The following IGLL1 variants were observed in gnomAD, a reference collection of about 807,000 sequenced individuals.
IGLL1 encodes the protein immunoglobulin lambda-like polypeptide 1.
Under a neutral mutation model 10.5 loss-of-function variants are expected in IGLL1, and 10 were observed. The observed-to-expected ratio is 0.95, with a 90% CI of 0.59 to 1.62. The LOEUF is 1.62. IGLL1 is among the 40% of genes most tolerant of loss of function. The pLI is 0.00. For synonymous variants in IGLL1, 141 were observed against 122.7 expected, an observed-to-expected ratio of 1.15 and a Z score of -0.99; for missense variants, 284 against 278.7, an observed-to-expected ratio of 1.02 and a Z score of -0.14.
At position 23,573,246 on chromosome 22, in the gene IGLL1, G is replaced by A. The variant is rs1399280350; in HGVS notation, c.*20C>T. The A allele has an allele frequency of 4.3e-6, 7 of 1,611,606 alleles. No homozygotes were observed. The highest frequency in any genetic ancestry group is 2.2e-5 in the East Asian group (1 of 44,860). ...ATCCTGCAGCTCCAGGCCCCTTTGG[G>A]TGGGGTCGGGGCTGGGAACCTATGA... On this transcript the variant is annotated 3_prime_UTR_variant, in exon 3 of 3. Coordinates refer to ENST00000330377, the MANE Select transcript of IGLL1 (RefSeq NM_020070.4).
chr22:23,575,833 C>T (rs1191975615), intron 1 of IGLL1, among the ~76,000 whole-genome samples: 1 of 152,218 alleles, frequency 6.6e-6, no homozygotes, highest in Non-Finnish European at 1.5e-5. Flanking sequence ...GGATGCGACA[C>T]AGGGCTGGCC....
chr22:23,575,492 T>A (rs903835595), intron 1 of IGLL1, among the ~76,000 whole-genome samples: 1 of 152,188 alleles, frequency 6.6e-6, no homozygotes, highest in African/African-American at 2.4e-5. Flanking sequence ...TGCTTTTATA[T>A]CTACCCATGG....
In IGLL1 at chr22:23,573,303, G is replaced by T; in HGVS notation, c.605C>A (p.Thr202Asn). Residue 202 changes from threonine to asparagine, a missense_variant, in exon 3 of 3, where the codon ACC (threonine) becomes AAC (asparagine). Transcript: ENST00000330377. Reference protein sequence around the residue: ...YSCQVMHEGSTVEKTVAPAEC... With the variant: ...YSCQVMHEGSNVEKTVAPAEC... ...TGCAGGGGCCACCGTCTTCTCCACG[G>T]TGCTCCCTTCGTGCATGACCTGGCA... 1 of 1,614,094 alleles carries T rather than the reference G, an allele frequency of 6.2e-7. No individual in the cohort carries two copies. Among genetic ancestry groups the T allele is most frequent in the Non-Finnish European group, 8.5e-7 (1 of 1,180,018 alleles).
chr22:23,579,847 T>C, intron 1 of IGLL1, 138 bp downstream of exon 1: 1 of 627,660 alleles, frequency 1.6e-6, no homozygotes, highest in Non-Finnish European at 2.7e-6. Flanking sequence ...TCTTGACACT[T>C]TAGTTAAAGT....
chr22:23,575,037 G>T lies in IGLL1; in HGVS notation c.252C>A (p.Pro84=). 1 of 1,614,044 alleles carries T rather than the reference G, an allele frequency of 6.2e-7. No individual in the cohort carries two copies. Among genetic ancestry groups the T allele is most frequent in the Non-Finnish European group, 8.5e-7 (1 of 1,179,978 alleles). Residue 84 remains proline (P), a synonymous_variant, in exon 2 of 3, where the codon CCC becomes CCA. Transcript: ENST00000330377. Reference sequence around the variant, plus strand: ...AGTTATGCTTGGATTGAAACCCCCGGGGCCAGCACCTGGGGCCAGTCCAGG... The same window carrying T: ...AGTTATGCTTGGATTGAAACCCCCGTGGCCAGCACCTGGGGCCAGTCCAGG... ...RGSWTGPRCW[P]RGFQSKHNSV...
chr22:23,578,527 G>A (rs763299669), intron 1 of IGLL1, among the ~76,000 whole-genome samples: 2 of 152,186 alleles, frequency 1.3e-5, no homozygotes, highest in African/African-American at 2.4e-5. Context: ...TGCTGACCCC[G>A]CCTCCATGGC....
rs912443374 is a variant in IGLL1 at position 23,579,923 on chromosome 22, G to A, written c.206+62C>T. On this transcript the variant is annotated intron_variant, in intron 1 of 2. Coordinates refer to ENST00000330377, the MANE Select transcript of IGLL1 (RefSeq NM_020070.4). ...CACCCCTCTGGCTCGTCTCCCCTTGGTCATCCTTTCCCGCCTCTGCCACCC... is the reference window on the plus strand; with the variant it reads ...CACCCCTCTGGCTCGTCTCCCCTTGATCATCCTTTCCCGCCTCTGCCACCC... 8.8e-5 allele frequency: 126 copies of A among 1,425,884 alleles called. 1 individual carries two copies. Among genetic ancestry groups the A allele is most frequent in the Middle Eastern group, 2.0e-4 (1 of 5,018 alleles). The allele number at this position is 1,425,884 out of a possible 1,614,324, so 88.3% of individuals were successfully genotyped here.
chr22:23,574,584 G>A (rs1924962617), intron 2 of IGLL1, among the ~76,000 whole-genome samples: 1 of 152,120 alleles, frequency 6.6e-6, no homozygotes, highest in Non-Finnish European at 1.5e-5. Flanking sequence ...AGGCTGGATG[G>A]GCATCCAGCC....
At chr22:23,579,106 G>A (rs1925204612) in intron 1 of IGLL1, among the ~76,000 whole-genome samples, 1 of 152,144 alleles carries the variant, frequency 6.6e-6, no homozygotes, top group Non-Finnish European at 1.5e-5. Flanking sequence ...CATGAGCTGA[G>A]TGACTCGGAC....
intron 1 of IGLL1, among the ~76,000 whole-genome samples, 175 bp from the exon 2 acceptor site, chr22:23,575,257 G>A (rs1314995020): frequency 6.6e-6 from 1 of 152,162 alleles, no homozygotes; most frequent in Admixed American, 6.5e-5. Context: ...TGGTGCTGAT[G>A]GCAACGCTGG....
rs746436425 is a variant in IGLL1, at chr22:23,575,032, C to T, written c.257G>A (p.Gly86Glu). 4.1e-5 allele frequency: 66 copies of T among 1,613,714 alleles called. No individual in the cohort carries two copies. The highest frequency in any genetic ancestry group is 8.5e-7 in the Non-Finnish European group (1 of 1,179,804). The change falls in exon 2 of 3, where the codon GGG (glycine) becomes GAG (glutamate). Residue 86 changes from glycine (G) to glutamate (E), a missense_variant. Physicochemically the swap from Gly to Glu is moderately conservative, Grantham distance 98 (BLOSUM62 -2). Coordinates refer to ENST00000330377, the MANE Select transcript of IGLL1 (RefSeq NM_020070.4). ...SWTGPRCWPR[G>E]FQSKHNSVTH... is the part of the protein sequence containing the mutation. ...CACTGAGTTATGCTTGGATTGAAAC[C>T]CCCGGGGCCAGCACCTGGGGCCAGT...
chr22:23,577,773 C>T (rs967198288), intron 1 of IGLL1, among the ~76,000 whole-genome samples: 1 of 152,016 alleles, frequency 6.6e-6, no homozygotes, highest in African/African-American at 2.4e-5. Context: ...TGGGCTCAAA[C>T]AATCCCGCCT....
At chr22:23,576,554 C>T (rs1426400930) in intron 1 of IGLL1, among the ~76,000 whole-genome samples, 2 of 152,004 alleles carry the variant, frequency 1.3e-5, no homozygotes, top group Non-Finnish European at 2.9e-5. Context: ...CTTCAGCCTC[C>T]CGAGTAGCTG....
At position 23,575,060 on chromosome 22, in the gene IGLL1, A is replaced by T. The variant is rs1170478394; in HGVS notation, c.229T>A (p.Trp77Arg). 2 of 1,613,914 alleles carry T rather than the reference A, an allele frequency of 1.2e-6. No individual in the cohort carries two copies. Among genetic ancestry groups the T allele is most frequent in the African/African-American group, 2.7e-5 (2 of 74,908 alleles). The change falls in exon 2 of 3, where the codon TGG becomes AGG. Residue 77 changes from tryptophan to arginine, a missense_variant. Transcript: ENST00000330377. ...WGRFLLQRGS[W>R]TGPRCWPRGF... Reference sequence around the variant, plus strand: ...CGGGGCCAGCACCTGGGGCCAGTCCAGGAGCCGCGCTGGAGCAGGAACCTG... The same window carrying T: ...CGGGGCCAGCACCTGGGGCCAGTCCTGGAGCCGCGCTGGAGCAGGAACCTG...
chr22:23,574,969 A>C lies in IGLL1; in HGVS notation c.320T>G (p.Leu107Ter). 1 of 1,608,734 alleles carries C rather than the reference A, an allele frequency of 6.2e-7. No homozygotes were observed. Among genetic ancestry groups the C allele is most frequent in the Non-Finnish European group, 8.5e-7 (1 of 1,175,160 alleles). The change falls in exon 2 of 3, where the codon TTA (leucine) becomes TGA (stop). Residue 107 changes from leucine to a stop codon, truncating the protein, a stop_gained and splice_region_variant. Coordinates refer to ENST00000330377, the MANE Select transcript of IGLL1 (RefSeq NM_020070.4). LOFTEE classifies it low-confidence loss of function (END_TRUNC). ...CCTGGGAAGTTAGAGCCACTTACTT[A>C]AAACGGTGAGCTGGGTCCCGCTGCC... The part of the protein sequence containing the change: ...VFGSGTQLTV[L>*]SQPKATPSVT...
At chr22:23,575,559 C>A (rs563652) in intron 1 of IGLL1, among the ~76,000 whole-genome samples, 1 of 152,236 alleles carries the variant, frequency 6.6e-6, no homozygotes, top group Middle Eastern at 3.4e-3. Flanking sequence ...TCATTCCATC[C>A]GTCCGTCCAT....
Position 23,573,686 on chromosome 22 carries a change from C to G in IGLL1, c.323-101G>C, listed in dbSNP as rs552420063. The G allele has an allele frequency of 1.7e-5, 15 of 907,876 alleles. No individual in the cohort carries two copies. The African/African-American group carries it at 2.3e-4, about 14-fold the overall frequency. The allele number at this position is 907,876 out of a possible 1,614,324, so 56.2% of individuals were successfully genotyped here. On this transcript the variant is annotated intron_variant, in intron 2 of 2. Coordinates refer to ENST00000330377, the MANE Select transcript of IGLL1 (RefSeq NM_020070.4). ...GTCTCTGGGAGGGTTCATGGTGTGG[C>G]CGCCTGGTCCACCCAGGGCCTCTCC... is the stretch of plus-strand genomic sequence containing the variant.
chr22:23,574,354 AG>A (rs999378768), intron 2 of IGLL1, among the ~76,000 whole-genome samples: 93 of 152,268 alleles, frequency 6.1e-4, no homozygotes, highest in African/African-American at 2.2e-3. Flanking sequence ...ACAGGGCTCC[AG>A]GGACAGGCAC....
In IGLL1 at chr22:23,573,511, G is replaced by C; in HGVS notation, c.397C>G (p.Leu133Val). The C allele has an allele frequency of 3.7e-6, 6 of 1,613,942 alleles. No individual in the cohort carries two copies. Among genetic ancestry groups the C allele is most frequent in the Non-Finnish European group, 5.1e-6 (6 of 1,179,834 alleles). Residue 133 changes from leucine to valine, a missense_variant, in exon 3 of 3, where the codon CTG becomes GTG. Transcript: ENST00000330377. ...SEELQANKAT[L>V]VCLMNDFYPG... is the part of the protein sequence containing the mutation. ...TAAAAGTCATTCATGAGACACACCA[G>C]TGTAGCCTTGTTGGCTTGGAGCTCC...
Sources: gnomAD v4.1 joint callset for allele counts (sites outside exome capture counted in the v4.1 genomes callset) on GRCh38, gnomAD v4.1.1 for gene constraint, MANE v1.5 for transcripts, NCBI Gene and HGNC (gene_info 2026-07-23, HGNC 2026-07-21) for gene names.